The following SRGAP2B variants were observed in gnomAD, a reference collection of about 807,000 sequenced individuals.
SRGAP2B encodes SLIT-ROBO Rho GTPase-activating protein 2B.
Under a neutral mutation model 22.2 loss-of-function variants are expected in SRGAP2B, and 9 were observed. The observed-to-expected ratio is 0.41, with a 90% CI of 0.24 to 0.71. The LOEUF (loss-of-function observed/expected upper bound fraction) is 0.71. Ranked by LOEUF, SRGAP2B falls within the 30% of genes least tolerant of loss-of-function variation. The pLI, the probability that SRGAP2B is intolerant of heterozygous loss-of-function variation, is 0.35. For synonymous variants in SRGAP2B, 36 were observed against 87.4 expected, an observed-to-expected ratio of 0.41 and a Z score of 3.28; for missense variants, 114 against 235.8, an observed-to-expected ratio of 0.48 and a Z score of 3.38.
At chr1:144,994,368 C>T (rs10794677) in intron 3 of SRGAP2B, among the ~76,000 whole-genome samples, 2 of 137,184 alleles carry the variant, frequency 1.5e-5, no homozygotes, top group African/African-American at 5.9e-5. Context: ...AATGGGCCAG[C>T]TGTATAAAAT....
intron 2 of SRGAP2B, among the ~76,000 whole-genome samples, chr1:145,015,430 T>G (rs1235980318): frequency 8.9e-6 from 1 of 112,894 alleles, no homozygotes; most frequent in Non-Finnish European, 1.8e-5. Context: ...TATAAAAGTC[T>G]TTTTAGTCAG....
At chr1:144,961,316 T>C (rs1254511006) in intron 3 of SRGAP2B, among the ~76,000 whole-genome samples, 4 of 150,176 alleles carry the variant, frequency 2.7e-5, no homozygotes, top group South Asian at 2.1e-4. Context: ...GGAGCACAGA[T>C]TGCCCAAACC....
intron 3 of SRGAP2B, among the ~76,000 whole-genome samples, chr1:144,984,903 A>T (rs1669604938): frequency 6.7e-6 from 1 of 148,740 alleles, no homozygotes; most frequent in Non-Finnish European, 1.5e-5. Context: ...CTTCTTCCAC[A>T]TCCACTTATT....
Position 144,943,410 on chromosome 1 carries a change from G to A in SRGAP2B, c.423+12029C>T, listed in dbSNP as rs1262162158. On this transcript the variant is annotated intron_variant, in intron 4 of 9. Coordinates refer to ENST00000612199, the Ensembl canonical transcript of SRGAP2B. The stretch of plus-strand genomic sequence containing the variant: ...GACTAAAACAGTAGATTACAAAATA[G>A]TATGTACAATAAATCTGTTTTTTAT... 2.0e-5 allele frequency among the ~76,000 whole-genome samples: 3 copies of A among 151,796 alleles called. No individual in the cohort carries two copies. The East Asian group carries it at 5.8e-4, about 29-fold the overall frequency.
At chr1:145,013,438 AG>A (rs1201386275) in intron 2 of SRGAP2B, among the ~76,000 whole-genome samples, 1 of 150,518 alleles carries the variant, frequency 6.6e-6, no homozygotes, top group Non-Finnish European at 1.5e-5. Context: ...GCCCAAAGGT[AG>A]GCAACAAGCT....
At chr1:145,021,642 C>T (rs1223558024) in intron 2 of SRGAP2B, among the ~76,000 whole-genome samples, 2 of 139,888 alleles carry the variant, frequency 1.4e-5, no homozygotes, top group African/African-American at 2.8e-5. Context: ...GGAGAAATCT[C>T]GTCTCTACTA....
intron 4 of SRGAP2B, among the ~76,000 whole-genome samples, chr1:144,925,727 A>AAAAGAAGGAAAGAAAG (rs1553604881): frequency 1.9e-5 from 2 of 104,156 alleles, no homozygotes; most frequent in Non-Finnish European, 3.8e-5. Context: ...AGAGAGAAAG[A>AAAAGAAGGAAAGAAAG]AAAGAAAGAA....
intron 5 of SRGAP2B, among the ~76,000 whole-genome samples, chr1:144,907,801 C>T (rs1169688647): frequency 6.7e-6 from 1 of 150,366 alleles, no homozygotes; most frequent in African/African-American, 2.5e-5. Context: ...CTAATCTAGC[C>T]CCTACGATCA....
At chr1:144,910,599 C>CT (rs1414364434) in intron 5 of SRGAP2B, among the ~76,000 whole-genome samples, 2 of 143,524 alleles carry the variant, frequency 1.4e-5, no homozygotes, top group Non-Finnish European at 3.0e-5. Flanking sequence ...CCCAAAGCCT[C>CT]TTTTTTCTCA....
At chr1:144,976,169 C>A (rs1163054325) in intron 3 of SRGAP2B, among the ~76,000 whole-genome samples, 1 of 147,170 alleles carries the variant, frequency 6.8e-6, no homozygotes, top group Non-Finnish European at 1.5e-5. Context: ...TGTGAGCCAT[C>A]GCGCCCAGCC....
exon 3 of SRGAP2B, chr1:144,995,191 G>C (rs782270966): frequency 2.0e-5 from 16 of 792,274 alleles, no homozygotes. Flanking sequence ...TGTGAGCTGA[G>C]CACGGATCTC....
Position 144,994,567 on chromosome 1 carries a change from T to TGTGTGA in SRGAP2B, c.260+440_260+441insTCACAC, listed in dbSNP as rs72366347. Among the ~76,000 whole-genome samples, 80 of 122,490 alleles carry TGTGTGA rather than the reference T, an allele frequency of 6.5e-4. 3 individuals are homozygous for TGTGTGA. The highest frequency in any genetic ancestry group is 2.2e-3 in the South Asian group (8 of 3,614). 80.4% of individuals were successfully genotyped at this position (122,490 alleles called of 152,430 possible). On this transcript the variant is annotated intron_variant, in intron 3 of 9. Transcript: ENST00000612199. ...GTGAGTGTGAGTGTGTGTGTGTGTG[T>TGTGTGA]GAGAGAGAGAGAGAGAGAGAGAGAG...
intron 5 of SRGAP2B, among the ~76,000 whole-genome samples, chr1:144,907,796 C>G (rs1408754330): frequency 7.3e-5 from 11 of 150,566 alleles, no homozygotes; most frequent in Middle Eastern, 3.4e-3. Flanking sequence ...GTATACTAAT[C>G]TAGCCCCTAC....
chr1:145,001,993 G>A (rs1553620008), intron 2 of SRGAP2B, among the ~76,000 whole-genome samples: 3 of 141,972 alleles, frequency 2.1e-5, no homozygotes. Context: ...CTATACTCCA[G>A]CCTGGGTGAC....
chr1:145,041,525 G>A lies in SRGAP2B; in HGVS notation c.68-46325C>T, dbSNP rs1166647638. 6.2e-5 allele frequency among the ~76,000 whole-genome samples: 8 copies of A among 129,894 alleles called. 1 individual carries two copies. Among genetic ancestry groups the A allele is most frequent in the Admixed American group, 3.7e-4 (5 of 13,358 alleles). The allele number at this position is 129,894 out of a possible 152,430, so 85.2% of individuals were successfully genotyped here. Reference sequence around the variant, plus strand: ...AAAAAAAAAAATAGCAGTGTGTAGTGGTGCACAATTGTAGTCCCTGCTACT... The same window carrying A: ...AAAAAAAAAAATAGCAGTGTGTAGTAGTGCACAATTGTAGTCCCTGCTACT... On this transcript the variant is annotated intron_variant, in intron 2 of 9. Coordinates refer to ENST00000612199, the Ensembl canonical transcript of SRGAP2B.
chr1:144,956,929 C>T (rs1667311611), intron 3 of SRGAP2B, among the ~76,000 whole-genome samples: 2 of 149,792 alleles, frequency 1.3e-5, no homozygotes, highest in African/African-American at 5.0e-5. Context: ...TATCTGGGCC[C>T]TTTATACATG....
At chr1:145,044,650 TAAAAAAAAAAAAAAAAAAAAAAAA>T (rs1184404731) in intron 2 of SRGAP2B, among the ~76,000 whole-genome samples, 123 of 30,654 alleles carry the variant, frequency 4.0e-3, no homozygotes, top group East Asian at 0.031. Flanking sequence ...AACCCCCTCC[TAAAAAAAAAAAAAAAAAAAAAAAA>T]AAAAAAAAAA....
At chr1:144,956,607 C>T (rs1388808762) in intron 3 of SRGAP2B, among the ~76,000 whole-genome samples, 1 of 140,190 alleles carries the variant, frequency 7.1e-6, no homozygotes, top group Non-Finnish European at 1.5e-5. Context: ...GCCACCACGC[C>T]CAGCTAACTT....
rs587734410 is a variant in SRGAP2B at position 144,964,593 on chromosome 1, A to C, written c.261-8992T>G. ...ATCAAATTAGCGAGTTCAGGTCCTT[A>C]AGGAATCTGGATGAACAATGTGAAA... On this transcript the variant is annotated intron_variant, in intron 3 of 9. Coordinates refer to ENST00000612199, the Ensembl canonical transcript of SRGAP2B. Among the ~76,000 whole-genome samples the C allele has an allele frequency of 3.6e-4, 54 of 151,012 alleles. 1 individual carries two copies. Among genetic ancestry groups the C allele is most frequent in the Non-Finnish European group, 3.2e-4 (22 of 67,952 alleles).
Sources: gnomAD v4.1 joint callset for allele counts (sites outside exome capture counted in the v4.1 genomes callset) on GRCh38, gnomAD v4.1.1 for gene constraint, MANE v1.5 for transcripts, NCBI Gene and HGNC (gene_info 2026-07-23, HGNC 2026-07-21) for gene names.